Variants in MYH13 observed in about 807,000 individuals in gnomAD.
MYH13 encodes myosin heavy chain 13.
MYH13 carries 177 observed loss-of-function variants against 232.1 expected under a neutral mutation model. The observed-to-expected ratio is 0.76, with a 90% CI of 0.67 to 0.86. The LOEUF is 0.86. Among genes scored for constraint, MYH13 ranks in the 40% least tolerant of loss-of-function variants. MYH13 has a pLI of 0.00. For synonymous variants in MYH13, 884 were observed against 923.5 expected, an observed-to-expected ratio of 0.96 and a Z score of 0.78; for missense variants, 2,246 against 2,405.9, an observed-to-expected ratio of 0.93 and a Z score of 1.39.
intron 18 of MYH13, among the ~76,000 whole-genome samples, chr17:10,338,828 A>G (rs1190963713): frequency 5.3e-5 from 8 of 151,688 alleles, no homozygotes; most frequent in East Asian, 1.9e-4. Flanking sequence ...GGCCTCCCGA[A>G]TAGCTGGGAC....
At chr17:10,319,646 A>G (rs1906860724) in intron 26 of MYH13, among the ~76,000 whole-genome samples, 1 of 152,228 alleles carries the variant, frequency 6.6e-6, no homozygotes, top group South Asian at 2.1e-4. Flanking sequence ...GCAGGTAGAC[A>G]CAAATCCACG....
intron 39 of MYH13, among the ~76,000 whole-genome samples, chr17:10,302,802 G>A (rs1026885866): frequency 6.6e-6 from 1 of 152,096 alleles, no homozygotes; most frequent in African/African-American, 2.4e-5. Context: ...GTGGGATGGT[G>A]GGAATTAGGA....
Position 10,330,416 on chromosome 17 carries a change from C to T in MYH13, c.2406G>A (p.Arg802=), listed in dbSNP as rs1907370030. The T allele has an allele frequency of 1.2e-6, 2 of 1,613,616 alleles. No individual in the cohort carries two copies. The highest frequency in any genetic ancestry group is 4.5e-5 in the East Asian group (2 of 44,872). Residue 802 remains arginine, a synonymous_variant, in exon 21 of 41, where the codon CGG becomes CGA. Coordinates refer to ENST00000252172, the MANE Select transcript of MYH13 (RefSeq NM_003802.3). ...TQAVCRGYLM[R]VEFKKMMERR... ...TCTCCATCATCTTCTTGAACTCCACCCGCATCAGGTACCCCCTGCACACCG... is the reference window on the plus strand; with the variant it reads ...TCTCCATCATCTTCTTGAACTCCACTCGCATCAGGTACCCCCTGCACACCG...
intron 15 of MYH13, among the ~76,000 whole-genome samples, chr17:10,344,414 T>C (rs1373586484): frequency 6.6e-6 from 1 of 152,192 alleles, no homozygotes; most frequent in Non-Finnish European, 1.5e-5. Context: ...CATAAAGTAA[T>C]GTGAGTAATA....
In MYH13 at chr17:10,320,236, A is replaced by G. The variant is rs1379292389; in HGVS notation, c.3265T>C (p.Phe1089Leu). The change falls in exon 26 of 41, where the codon TTT becomes CTT. Residue 1089 changes from phenylalanine (F) to leucine (L), a missense_variant. By Grantham distance (22) the Phe-to-Leu change is conservative. Transcript: ENST00000252172. ...TTGGCTTGTAACTGACTGAGTTCAA[A>G]CTCCTTCCTGCAAATAGATTAAAAA... ...QIEEKLKKKE[F>L]ELSQLQAKID... 4 of 1,602,502 alleles carry G rather than the reference A, an allele frequency of 2.5e-6. No individual in the cohort carries two copies. The highest frequency in any genetic ancestry group is 1.1e-5 in the South Asian group (1 of 89,056).
chr17:10,327,832 C>G (rs1907266915), intron 22 of MYH13, 34 bp downstream of exon 22: 1 of 1,596,660 alleles, frequency 6.3e-7, no homozygotes, highest in African/African-American at 1.4e-5. Flanking sequence ...CCTCCAGAGT[C>G]TGTGTTTTGC....
At position 10,328,116 on chromosome 17, in the gene MYH13, G is replaced by C. The variant is rs777959486; in HGVS notation, c.2441C>G (p.Ser814Cys). 1.2e-6 allele frequency: 2 copies of C among 1,613,868 alleles called. No individual in the cohort carries two copies. The change falls in exon 22 of 41, where the codon TCC becomes TGC. Residue 814 changes from serine to cysteine, a missense_variant. Ser to Cys is a moderately radical substitution (Grantham distance 112, BLOSUM62 -1). Transcript: ENST00000252172. ...EFKKMMERRDSIFCIQYNIRS... is the reference protein window; with the variant it reads ...EFKKMMERRDCIFCIQYNIRS... ...GATGTTGTACTGGATGCAGAAGATGGAGTCCCTGTACACCCATTAGGACTC... is the reference window on the plus strand; with the variant it reads ...GATGTTGTACTGGATGCAGAAGATGCAGTCCCTGTACACCCATTAGGACTC...
chr17:10,363,126 T>C (rs1182886939), intron 3 of MYH13, among the ~76,000 whole-genome samples: 1 of 151,948 alleles, frequency 6.6e-6, no homozygotes, highest in Non-Finnish European at 1.5e-5. Context: ...CCTCTGTTTT[T>C]TTCCCACCTC....
At chr17:10,302,716 G>A (rs548204848) in intron 39 of MYH13, among the ~76,000 whole-genome samples, 2 of 152,230 alleles carry the variant, frequency 1.3e-5, no homozygotes, top group East Asian at 3.9e-4. Flanking sequence ...AAGGGTGGAT[G>A]AAAAAGGATG....
rs749330099 is a variant in MYH13 at position 10,350,542 on chromosome 17, C to G, written c.1144+14G>C. 3 of 1,610,404 alleles carry G rather than the reference C, an allele frequency of 1.9e-6. No individual in the cohort carries two copies. Among genetic ancestry groups the G allele is most frequent in the South Asian group, 1.1e-5 (1 of 90,786 alleles). On this transcript the variant is annotated intron_variant, in intron 12 of 40. Transcript: ENST00000252172. ...AGATGGACCCAATCGCATCCCTTTCCCAGATGCAGTTACCTTCGGTGCCGT... is the reference window on the plus strand; with the variant it reads ...AGATGGACCCAATCGCATCCCTTTCGCAGATGCAGTTACCTTCGGTGCCGT...
chr17:10,346,810 G>GA lies in MYH13; in HGVS notation c.1145-13dup, dbSNP rs755823948. On this transcript the variant is annotated splice_polypyrimidine_tract_variant and intron_variant, in intron 12 of 40. Coordinates refer to ENST00000252172, the MANE Select transcript of MYH13 (RefSeq NM_003802.3). ...GGCTTTGTCAGCCACTGAAGGAAGA[G>GA]AAAAAAATGGCATCATGCAAAAACA... The GA allele has an allele frequency of 3.1e-6, 5 of 1,599,294 alleles. No individual in the cohort carries two copies. Among genetic ancestry groups the GA allele is most frequent in the East Asian group, 2.2e-5 (1 of 44,794 alleles).
At chr17:10,309,945 A>AG in intron 33 of MYH13, 115 bp from the exon 34 acceptor site, 1 of 937,122 alleles carries the variant, frequency 1.1e-6, no homozygotes, top group South Asian at 2.7e-5. Flanking sequence ...ATTAAATTTA[A>AG]ATTTTTTTTT....
chr17:10,314,693 G>T (rs1331103100), intron 29 of MYH13, among the ~76,000 whole-genome samples: 2 of 152,172 alleles, frequency 1.3e-5, no homozygotes, highest in Admixed American at 1.3e-4. Context: ...CTTAGCCAGC[G>T]TACAGCAACC....
intron 23 of MYH13, 116 bp downstream of exon 23, chr17:10,323,906 T>G (rs1252382809): frequency 2.2e-6 from 3 of 1,385,530 alleles, no homozygotes; most frequent in Non-Finnish European, 2.9e-6. Flanking sequence ...GACGCCAGCC[T>G]CTCATTTCTG....
In MYH13 at chr17:10,309,476, C is replaced by G. The variant is rs774146846; in HGVS notation, c.4966-39G>C. ...CCAGAGTGAGGCCAGAGCCGCCTGGCAGGCTGGGGCCCGTCCAGGTACGCA... is the reference window on the plus strand; with the variant it reads ...CCAGAGTGAGGCCAGAGCCGCCTGGGAGGCTGGGGCCCGTCCAGGTACGCA... On this transcript the variant is annotated intron_variant, in intron 34 of 40. Coordinates refer to ENST00000252172, the MANE Select transcript of MYH13 (RefSeq NM_003802.3). 1.1e-5 allele frequency: 17 copies of G among 1,600,074 alleles called. No individual in the cohort carries two copies. In the South Asian group the frequency reaches 1.8e-4, roughly 17 times the overall value.
intron 19 of MYH13, 117 bp from the exon 20 acceptor site, chr17:10,332,339 A>G (rs1907437870): frequency 1.5e-6 from 2 of 1,359,648 alleles, no homozygotes; most frequent in South Asian, 1.3e-5. Context: ...AATACTGTAC[A>G]GCTGGTCTGG....
chr17:10,346,434 G>A (rs2071666988), intron 13 of MYH13, among the ~76,000 whole-genome samples: 1 of 152,186 alleles, frequency 6.6e-6, no homozygotes, highest in South Asian at 2.1e-4. Context: ...AATCCCAGAG[G>A]AGCTGGAGGG....
At chr17:10,345,012 C>G (rs909919295) in intron 15 of MYH13, among the ~76,000 whole-genome samples, 190 bp downstream of exon 15, 2 of 152,142 alleles carry the variant, frequency 1.3e-5, no homozygotes, top group Non-Finnish European at 2.9e-5. Context: ...TTTAATGACC[C>G]GTAAACCTCT....
At chr17:10,371,022 G>A (rs939711064) in intron 2 of MYH13, among the ~76,000 whole-genome samples, 187 bp downstream of exon 2, 2 of 152,198 alleles carry the variant, frequency 1.3e-5, no homozygotes, top group Non-Finnish European at 2.9e-5. Flanking sequence ...GAGCAAATAG[G>A]AGAAGCCATT....
Sources: gnomAD v4.1 joint callset for allele counts (sites outside exome capture counted in the v4.1 genomes callset) on GRCh38, gnomAD v4.1.1 for gene constraint, MANE v1.5 for transcripts, NCBI Gene and HGNC (gene_info 2026-07-23, HGNC 2026-07-21) for gene names.